DNAAF9: variants seen among roughly 807,000 people sequenced by gnomAD.
DNAAF9 encodes dynein axonemal assembly factor 9, also known as shulin.
A neutral mutation model predicts 167.0 loss-of-function variants in DNAAF9; 90 were observed. That is an observed-to-expected ratio of 0.54 (90% CI 0.45 to 0.64). The LOEUF (loss-of-function observed/expected upper bound fraction) is 0.64. Ranked by LOEUF, DNAAF9 falls within the 30% of genes least tolerant of loss-of-function variation. The pLI, the probability that DNAAF9 is intolerant of heterozygous loss-of-function variation, is 0.00. For synonymous variants in DNAAF9, 491 were observed against 508.8 expected (o/e 0.96, Z 0.47); for missense variants, 1,315 against 1,442.2 (o/e 0.91, Z 1.43).
At chr20:3,298,422 A>G (rs969872373) in intron 21 of DNAAF9, among the ~76,000 whole-genome samples, 2 of 152,050 alleles carry the variant, frequency 1.3e-5, no homozygotes, top group African/African-American at 4.8e-5. Flanking sequence ...CCATCAAGTG[A>G]TCCTTCTACC....
chr20:3,322,249 C>A lies in DNAAF9; in HGVS notation c.1324G>T (p.Asp442Tyr). 1 of 1,609,456 alleles carries A rather than the reference C, an allele frequency of 6.2e-7. No homozygotes were observed. Among genetic ancestry groups the A allele is most frequent in the Non-Finnish European group, 8.5e-7 (1 of 1,176,620 alleles). ...VNNQGRIVPL[D>Y]SEDSLSFVKT... The stretch of plus-strand genomic sequence containing the variant: ...ACAAAGGATAAGCTATCTTCACTGT[C>A]CAGCGGTACAATTCTAGGAGGGGAA... Residue 442 changes from aspartate (D) to tyrosine (Y), a missense_variant, in exon 16 of 37, where the codon GAC (aspartate) becomes TAC (tyrosine). Coordinates refer to ENST00000252032, the MANE Select transcript of DNAAF9 (RefSeq NM_001009984.3).
chr20:3,365,481 T>A (rs2083421073), intron 6 of DNAAF9, among the ~76,000 whole-genome samples: 1 of 152,138 alleles, frequency 6.6e-6, no homozygotes, highest in South Asian at 2.1e-4. Context: ...AACCTCTGCC[T>A]CCCGGGTTCA....
At chr20:3,383,957 C>T (rs1036150907) in intron 1 of DNAAF9, among the ~76,000 whole-genome samples, 1 of 152,076 alleles carries the variant, frequency 6.6e-6, no homozygotes, top group African/African-American at 2.4e-5. Flanking sequence ...CACCACCATG[C>T]CTGGCTAATT....
chr20:3,255,173 G>C (rs2068256277), intron 35 of DNAAF9, 46 bp downstream of exon 35: 1 of 1,233,316 alleles, frequency 8.1e-7, no homozygotes, highest in African/African-American at 1.5e-5. Flanking sequence ...GCAAGCCGAG[G>C]ACAGCCCTGG....
At chr20:3,365,453 G>A (rs943811869) in intron 6 of DNAAF9, among the ~76,000 whole-genome samples, 12 of 151,984 alleles carry the variant, frequency 7.9e-5, no homozygotes, top group East Asian at 1.9e-4. Flanking sequence ...GAGCAGTGGC[G>A]TGATCTCAGC....
intron 12 of DNAAF9, among the ~76,000 whole-genome samples, chr20:3,326,853 C>G (rs2069720449): frequency 6.6e-6 from 1 of 152,092 alleles, no homozygotes; most frequent in Non-Finnish European, 1.5e-5. Flanking sequence ...AAGAGACTGC[C>G]CCTCCCTGTT....
At chr20:3,287,519 T>C in intron 27 of DNAAF9, 113 bp downstream of exon 27, 1 of 985,220 alleles carries the variant, frequency 1.0e-6, no homozygotes, top group Non-Finnish European at 1.6e-6. Flanking sequence ...GCGCAGACAC[T>C]GCTCATGCAT....
At chr20:3,336,550 GTTAT>G (rs949785485) in intron 10 of DNAAF9, among the ~76,000 whole-genome samples, 7 of 151,674 alleles carry the variant, frequency 4.6e-5, no homozygotes, top group East Asian at 1.9e-4. Context: ...TTTGACTACT[GTTAT>G]TTATTTATTT....
chr20:3,327,389 G>T (rs2069730627), intron 12 of DNAAF9, among the ~76,000 whole-genome samples: 1 of 152,056 alleles, frequency 6.6e-6, no homozygotes, highest in South Asian at 2.1e-4. Flanking sequence ...GGGGAGGGAG[G>T]TACAATAGAA....
At chr20:3,391,727 T>C (rs956973593) in intron 1 of DNAAF9, among the ~76,000 whole-genome samples, 2 of 151,994 alleles carry the variant, frequency 1.3e-5, no homozygotes, top group African/African-American at 4.8e-5. Context: ...ATTACAGGCA[T>C]GCGCAACCAC....
rs2236106 is a variant in DNAAF9 at position 3,297,763 on chromosome 20, A to C, written c.1929+266T>G. On this transcript the variant is annotated intron_variant, in intron 22 of 36. Transcript: ENST00000252032. ...CAATAAAGTAGCTAAATAAGAGATA[A>C]CTCTAATTAGGATTTAAAGGACAAA... 0.21 allele frequency among the ~76,000 whole-genome samples: 31,271 copies of C among 152,008 alleles called. 3,518 individuals carry two copies. Among genetic ancestry groups the C allele is most frequent in the African/African-American group, 0.28 (11,517 of 41,428 alleles).
At chr20:3,407,345 T>C in intron 1 of DNAAF9, 130 bp downstream of exon 1, 1 of 780,468 alleles carries the variant, frequency 1.3e-6, no homozygotes, top group East Asian at 3.6e-5. Context: ...AATTCCTCCC[T>C]GAGCCGTTCA....
intron 12 of DNAAF9, among the ~76,000 whole-genome samples, chr20:3,330,003 T>A (rs1202069515): frequency 6.6e-6 from 1 of 152,248 alleles, no homozygotes; most frequent in Non-Finnish European, 1.5e-5. Context: ...GGGTTTCACA[T>A]GATTCTCCCA....
chr20:3,262,471 G>A (rs1016014265), intron 31 of DNAAF9, among the ~76,000 whole-genome samples: 4 of 151,936 alleles, frequency 2.6e-5, no homozygotes, highest in African/African-American at 9.7e-5. Flanking sequence ...GGCTGATCTC[G>A]AACTCCTGAC....
At chr20:3,383,510 C>T (rs563916881) in intron 1 of DNAAF9, among the ~76,000 whole-genome samples, 8 of 151,958 alleles carry the variant, frequency 5.3e-5, no homozygotes, top group African/African-American at 1.4e-4. Flanking sequence ...TCAGGTGATC[C>T]GTCCGCCTCA....
intron 6 of DNAAF9, among the ~76,000 whole-genome samples, chr20:3,360,594 G>A (rs2083348863): frequency 1.3e-5 from 2 of 152,148 alleles, no homozygotes; most frequent in Non-Finnish European, 2.9e-5. Context: ...TTGCCAGGAG[G>A]TCAAGCCAAC....
chr20:3,319,443 C>T (rs190095584), intron 16 of DNAAF9, among the ~76,000 whole-genome samples: 129 of 151,992 alleles, frequency 8.5e-4, no homozygotes, highest in Middle Eastern at 3.4e-3. Flanking sequence ...GAAACAATTC[C>T]GGGAAGAAGC....
chr20:3,369,179 G>A (rs910401060), intron 6 of DNAAF9, among the ~76,000 whole-genome samples: 4 of 150,706 alleles, frequency 2.7e-5, no homozygotes, highest in African/African-American at 4.9e-5. Flanking sequence ...GAAATGTCAC[G>A]GACAGATTTA....
chr20:3,304,881 G>A (rs528297177), intron 20 of DNAAF9, among the ~76,000 whole-genome samples: 7 of 152,340 alleles, frequency 4.6e-5, no homozygotes, highest in African/African-American at 1.4e-4. Flanking sequence ...CCATTACTGA[G>A]TTTACAGATT....
Sources: allele counts gnomAD v4.1 joint callset (sites outside exome capture counted in the v4.1 genomes callset), GRCh38; gene constraint gnomAD v4.1.1; transcripts MANE v1.5; gene names NCBI Gene and HGNC (gene_info 2026-07-23, HGNC 2026-07-21).